Variants in EPHA6 observed in about 807,000 individuals in gnomAD.
EPHA6 encodes EPH receptor A6.
EPHA6 carries 50 observed loss-of-function variants against 112.0 expected under a neutral mutation model. The ratio of observed to expected loss-of-function variants is 0.45; its 90% CI spans 0.36 to 0.56. The LOEUF is 0.56. EPHA6 is among the 20% of genes least tolerant of loss of function. The probability of loss-of-function intolerance (pLI) is 0.00; values close to 1 mark genes in which losing one functional copy is unlikely to be tolerated. For missense variants in EPHA6, 1,280 were observed against 1,417.4 expected (o/e 0.90, Z 1.56); for synonymous variants, 529 against 490.7 (o/e 1.08, Z -1.03).
At chr3:97,528,338 G>A (rs1421289087) in intron 10 of EPHA6, among the ~76,000 whole-genome samples, 1 of 152,076 alleles carries the variant, frequency 6.6e-6, no homozygotes. Flanking sequence ...GTTGGTGCTG[G>A]GAGGCTAAAT....
chr3:97,075,197 T>C (rs1358245661), intron 3 of EPHA6, among the ~76,000 whole-genome samples: 1 of 152,028 alleles, frequency 6.6e-6, no homozygotes, highest in Non-Finnish European at 1.5e-5. Flanking sequence ...AGGTGAATTT[T>C]AAGACATGTA....
intron 15 of EPHA6, among the ~76,000 whole-genome samples, chr3:97,724,671 GC>G (rs34051819): frequency 0.048 from 7,245 of 152,094 alleles, 272 homozygotes; most frequent in Non-Finnish European, 0.074. Context: ...GAAGGCTTGA[GC>G]CCAAGAGTTC....
intron 1 of EPHA6, among the ~76,000 whole-genome samples, chr3:96,865,694 CAAAAA>C (rs57565102): frequency 2.0e-4 from 16 of 82,008 alleles, no homozygotes; most frequent in Non-Finnish European, 4.2e-4. Context: ...AAAAAACAAA[CAAAAA>C]AAAAAAAAAA....
chr3:96,849,993 A>G (rs2035288921), intron 1 of EPHA6, among the ~76,000 whole-genome samples: 1 of 152,194 alleles, frequency 6.6e-6, no homozygotes, highest in South Asian at 2.1e-4. Flanking sequence ...TCCAAGCTCA[A>G]GAACAATATA....
intron 3 of EPHA6, among the ~76,000 whole-genome samples, chr3:97,134,669 T>C (rs1023195351): frequency 1.3e-5 from 2 of 152,106 alleles, no homozygotes; most frequent in Non-Finnish European, 2.9e-5. Flanking sequence ...TATATCTCAT[T>C]AGAGAAAAAA....
chr3:97,108,922 A>C (rs1228263036), intron 3 of EPHA6, among the ~76,000 whole-genome samples: 1 of 152,144 alleles, frequency 6.6e-6, no homozygotes, highest in Admixed American at 6.6e-5. Context: ...GTTCAAAGCT[A>C]TGGTGGACAT....
At chr3:96,970,041 G>A (rs2042256461) in intron 2 of EPHA6, among the ~76,000 whole-genome samples, 1 of 151,830 alleles carries the variant, frequency 6.6e-6, no homozygotes, top group South Asian at 2.1e-4. Flanking sequence ...CAGAGTCAGG[G>A]CTATAGACTT....
intron 3 of EPHA6, among the ~76,000 whole-genome samples, chr3:97,000,212 T>C (rs549942130): frequency 1.3e-5 from 2 of 151,604 alleles, no homozygotes; most frequent in African/African-American, 2.4e-5. Context: ...ATGTCACTTA[T>C]TTTAGAGTTT....
chr3:97,588,810 A>G (rs546787817), intron 11 of EPHA6, among the ~76,000 whole-genome samples: 70 of 152,322 alleles, frequency 4.6e-4, no homozygotes, highest in African/African-American at 1.6e-3. Flanking sequence ...TATCTTTTAC[A>G]CAAATGTTTT....
Position 96,949,120 on chromosome 3 carries a change from G to A in EPHA6, c.451-38210G>A, listed in dbSNP as rs552115457. ...AATCAAACCCAAGAACATTGCTACA[G>A]TTTTACAAGTGTACATCAGGTCGAA... On this transcript the variant is annotated intron_variant, in intron 2 of 17. Transcript: ENST00000389672. Among the ~76,000 whole-genome samples, 9 of 152,250 alleles carry A rather than the reference G, an allele frequency of 5.9e-5. No individual in the cohort carries two copies. The East Asian group carries it at 1.7e-3, about 29-fold the overall frequency.
chr3:97,513,424 T>C (rs1254225152), intron 10 of EPHA6, among the ~76,000 whole-genome samples: 1 of 152,204 alleles, frequency 6.6e-6, no homozygotes, highest in East Asian at 1.9e-4. Flanking sequence ...AACCTAAGTG[T>C]CCACCAACAG....
intron 5 of EPHA6, among the ~76,000 whole-genome samples, chr3:97,250,985 C>G (rs2079120777): frequency 6.6e-6 from 1 of 151,818 alleles, no homozygotes; most frequent in Non-Finnish European, 1.5e-5. Context: ...TCTGCCTCAG[C>G]CTCCCAAGTA....
intron 5 of EPHA6, among the ~76,000 whole-genome samples, chr3:97,345,249 T>C (rs1046830924): frequency 6.6e-6 from 1 of 152,162 alleles, no homozygotes; most frequent in Admixed American, 6.5e-5. Context: ...GAGGATGTTT[T>C]GATAAATATT....
At chr3:97,443,758 T>C (rs2090224740) in intron 6 of EPHA6, among the ~76,000 whole-genome samples, 1 of 152,168 alleles carries the variant, frequency 6.6e-6, no homozygotes, top group Admixed American at 6.5e-5. Context: ...GAGGAACTAG[T>C]TGTTCATATA....
At chr3:97,496,286 A>C (rs1051200035) in intron 10 of EPHA6, among the ~76,000 whole-genome samples, 1 of 152,112 alleles carries the variant, frequency 6.6e-6, no homozygotes, top group African/African-American at 2.4e-5. Context: ...ATCAGGAAAA[A>C]AAAGTCTGTC....
intron 5 of EPHA6, among the ~76,000 whole-genome samples, chr3:97,383,403 C>T (rs933645458): frequency 6.6e-6 from 1 of 152,098 alleles, no homozygotes; most frequent in Non-Finnish European, 1.5e-5. Flanking sequence ...AAGTAAAATG[C>T]CAAATTCATA....
intron 3 of EPHA6, among the ~76,000 whole-genome samples, chr3:97,024,759 C>T (rs115425185): frequency 0.013 from 2,000 of 152,162 alleles, 44 homozygotes; most frequent in African/African-American, 0.043. Flanking sequence ...TTTGCAAAGC[C>T]GTTCCCTTAT....
At chr3:96,819,729 T>TG (rs1448512655) in intron 1 of EPHA6, among the ~76,000 whole-genome samples, 4 of 152,128 alleles carry the variant, frequency 2.6e-5, no homozygotes, top group African/African-American at 9.7e-5. Flanking sequence ...CTGTTCAACT[T>TG]GTAATTTAAT....
chr3:96,988,108 T>A, intron 3 of EPHA6, 115 bp downstream of exon 3: 1 of 754,230 alleles, frequency 1.3e-6, no homozygotes, highest in Non-Finnish European at 2.0e-6. Context: ...AGTAATGTTT[T>A]GATACATATA....
Sources: gnomAD v4.1 joint callset for allele counts (sites outside exome capture counted in the v4.1 genomes callset) on GRCh38, gnomAD v4.1.1 for gene constraint, MANE v1.5 for transcripts, NCBI Gene and HGNC (gene_info 2026-07-23, HGNC 2026-07-21) for gene names.